Variants in LRRC7 observed in about 807,000 individuals in gnomAD.
LRRC7 encodes leucine rich repeat containing 7.
A neutral mutation model predicts 175.7 loss-of-function variants in LRRC7; 23 were observed. The observed-to-expected ratio is 0.13, with a 90% CI of 0.09 to 0.19. The LOEUF is 0.19. Ranked by LOEUF, LRRC7 falls within the 10% of genes least tolerant of loss-of-function variation. LRRC7 has a pLI of 1.00. For missense variants in LRRC7, 1,354 were observed against 1,904.7 expected (o/e 0.71, Z 5.38); for synonymous variants, 685 against 680.9 (o/e 1.01, Z -0.09).
chr1:69,610,382 A>G (rs987364866), intron 1 of LRRC7, among the ~76,000 whole-genome samples: 2 of 152,002 alleles, frequency 1.3e-5, no homozygotes, highest in African/African-American at 4.8e-5. Flanking sequence ...TCATAATTGC[A>G]TGACCATTTT....
At chr1:69,789,094 T>C (rs561120764) in intron 3 of LRRC7, among the ~76,000 whole-genome samples, 1 of 152,180 alleles carries the variant, frequency 6.6e-6, no homozygotes, top group Admixed American at 6.5e-5. Context: ...TTTTTTCTTT[T>C]TGTCAGCTCT....
chr1:69,704,075 G>T lies in LRRC7; in HGVS notation c.100+25597G>T, dbSNP rs1309394567. Among the ~76,000 whole-genome samples, 3 of 151,780 alleles carry T rather than the reference G, an allele frequency of 2.0e-5. No homozygotes were observed. The East Asian group carries it at 5.8e-4, about 29-fold the overall frequency. On this transcript the variant is annotated intron_variant, in intron 2 of 26. Transcript: ENST00000651989. ...TTATAAACTATACTTTTCCTTCATT[G>T]CCTGTCTTCCAGGAACCACAAATAT...
At chr1:69,655,304 C>T (rs756810107) in intron 1 of LRRC7, among the ~76,000 whole-genome samples, 1 of 152,066 alleles carries the variant, frequency 6.6e-6, no homozygotes, top group Non-Finnish European at 1.5e-5. Context: ...ATCTCTACTA[C>T]CACGTAGGCG....
chr1:70,046,987 A>G (rs941647768), intron 22 of LRRC7, among the ~76,000 whole-genome samples: 5 of 152,116 alleles, frequency 3.3e-5, no homozygotes, highest in African/African-American at 1.2e-4. Context: ...AAATTACTTA[A>G]CTTTGATTTA....
At chr1:69,595,223 C>T (rs141542212) in intron 1 of LRRC7, among the ~76,000 whole-genome samples, 1 of 152,042 alleles carries the variant, frequency 6.6e-6, no homozygotes, top group Non-Finnish European at 1.5e-5. Flanking sequence ...AGATCGAGAC[C>T]ATCCTGGCCA....
rs534109679 is a variant in LRRC7, at chr1:69,830,872, G to T, written c.501-3908G>T. ...TAAAAACTGACTTACTTTGCATGCT[G>T]GTTTTTCATATAACCTATTTTTGCT... On this transcript the variant is annotated intron_variant, in intron 5 of 26. Coordinates refer to ENST00000651989, the MANE Select transcript of LRRC7 (RefSeq NM_001370785.2). Among the ~76,000 whole-genome samples the T allele has an allele frequency of 2.0e-4, 31 of 151,868 alleles. No individual in the cohort carries two copies. In the South Asian group the frequency reaches 6.2e-3, roughly 31 times the overall value.
chr1:69,583,030 T>C (rs1452509779), intron 1 of LRRC7, among the ~76,000 whole-genome samples: 1 of 152,066 alleles, frequency 6.6e-6, no homozygotes, highest in Admixed American at 6.6e-5. Flanking sequence ...AAATCAGTTT[T>C]AGTTTGGTTA....
chr1:70,053,275 C>T (rs924896421), intron 23 of LRRC7, 130 bp downstream of exon 23: 3 of 823,864 alleles, frequency 3.6e-6, no homozygotes, highest in Non-Finnish European at 5.2e-6. Context: ...TATGCTACTA[C>T]ACGAGTTTGG....
At chr1:69,930,012 G>A (rs139003760) in intron 7 of LRRC7, among the ~76,000 whole-genome samples, 42 of 151,998 alleles carry the variant, frequency 2.8e-4, no homozygotes, top group African/African-American at 9.2e-4. Flanking sequence ...CTCCAATTTC[G>A]TATTCTCATT....
chr1:69,773,360 G>T (rs1165471030), intron 3 of LRRC7, among the ~76,000 whole-genome samples: 1 of 152,162 alleles, frequency 6.6e-6, no homozygotes, highest in Non-Finnish European at 1.5e-5. Flanking sequence ...TGATGGTTGG[G>T]AGGACTTGAG....
chr1:69,691,164 G>A (rs149279142), intron 2 of LRRC7, among the ~76,000 whole-genome samples: 1 of 152,268 alleles, frequency 6.6e-6, no homozygotes, highest in African/African-American at 2.4e-5. Flanking sequence ...CTGGCCTAGT[G>A]TTTAACATTG....
At chr1:69,827,148 A>T (rs1680006309) in intron 5 of LRRC7, among the ~76,000 whole-genome samples, 1 of 152,218 alleles carries the variant, frequency 6.6e-6, no homozygotes, top group African/African-American at 2.4e-5. Context: ...CAATTTTTTC[A>T]ACATCTCAGT....
chr1:70,060,589 T>C, intron 23 of LRRC7, among the ~76,000 whole-genome samples: 1 of 151,674 alleles, frequency 6.6e-6, no homozygotes, highest in East Asian at 1.9e-4. Flanking sequence ...GAGATGAGGA[T>C]TTAAATATTG....
chr1:69,936,920 G>A (rs1221990701), intron 8 of LRRC7, among the ~76,000 whole-genome samples: 6 of 152,018 alleles, frequency 3.9e-5, no homozygotes, highest in South Asian at 2.1e-4. Flanking sequence ...TTAACACTGC[G>A]TAGTATACCA....
chr1:69,736,600 A>C (rs1460164502), intron 2 of LRRC7, among the ~76,000 whole-genome samples: 4 of 152,142 alleles, frequency 2.6e-5, no homozygotes, highest in African/African-American at 7.2e-5. Context: ...GGAAAGTTAC[A>C]GAAAATTTGG....
chr1:69,644,969 T>A (rs952040486), intron 1 of LRRC7, among the ~76,000 whole-genome samples: 1 of 151,904 alleles, frequency 6.6e-6, no homozygotes, highest in Admixed American at 6.6e-5. Context: ...TAGAAAAAAA[T>A]TTCCTCCATT....
intron 1 of LRRC7, among the ~76,000 whole-genome samples, chr1:69,593,192 G>T (rs967375375): frequency 6.6e-6 from 1 of 151,898 alleles, no homozygotes; most frequent in Admixed American, 6.6e-5. Flanking sequence ...ACATAAAAAA[G>T]AACATTTTAA....
intron 7 of LRRC7, among the ~76,000 whole-genome samples, chr1:69,925,148 G>T (rs1247448429): frequency 1.3e-5 from 2 of 152,156 alleles, no homozygotes; most frequent in Non-Finnish European, 2.9e-5. Flanking sequence ...CAGGGATGAA[G>T]CCCACTTGAT....
rs1478745956 is a variant in LRRC7, at chr1:69,568,603, C to T, written c.-37C>T. On this transcript the variant is annotated 5_prime_UTR_variant, in exon 1 of 27. Coordinates refer to ENST00000651989, the MANE Select transcript of LRRC7 (RefSeq NM_001370785.2). ...AACCCTTGGCAGCTGCACGACTACG[C>T]TCTCCGAAACCTCATGGGCAGTTTC... 2.2e-6 allele frequency: 3 copies of T among 1,350,776 alleles called. No homozygotes were observed. Among genetic ancestry groups the T allele is most frequent in the East Asian group, 9.9e-5 (2 of 20,296 alleles). 83.7% of individuals were successfully genotyped at this position (1,350,776 alleles called of 1,614,324 possible).
Sources: gnomAD v4.1 joint callset for allele counts (sites outside exome capture counted in the v4.1 genomes callset) on GRCh38, gnomAD v4.1.1 for gene constraint, MANE v1.5 for transcripts, NCBI Gene and HGNC (gene_info 2026-07-23, HGNC 2026-07-21) for gene names.